GREB1L: variants seen among roughly 807,000 people sequenced by gnomAD.
The protein encoded by GREB1L is GREB1-like protein.
In GREB1L, 17 loss-of-function variants were observed where a neutral mutation model predicts 200.8. The ratio of observed to expected loss-of-function variants is 0.08; its 90% CI spans 0.06 to 0.13. The LOEUF is 0.13. Ranked by LOEUF, GREB1L falls within the 10% of genes least tolerant of loss-of-function variation. The pLI is 1.00. For missense variants in GREB1L, 1,657 were observed against 2,367.7 expected (o/e 0.70, Z 6.23); for synonymous variants, 789 against 893.0 (o/e 0.88, Z 2.08).
At chr18:21,303,586 C>G (rs1218061335) in intron 1 of GREB1L, among the ~76,000 whole-genome samples, 1 of 152,194 alleles carries the variant, frequency 6.6e-6, no homozygotes, top group Non-Finnish European at 1.5e-5. Flanking sequence ...ACCCTGTAGG[C>G]TGTTACTTTG....
At chr18:21,522,171 C>CTTT (rs2037614741) in intron 32 of GREB1L, among the ~76,000 whole-genome samples, 1 of 151,516 alleles carries the variant, frequency 6.6e-6, no homozygotes, top group Non-Finnish European at 1.5e-5. Flanking sequence ...ACTTTATACT[C>CTTT]TTAAAAATTA....
intron 1 of GREB1L, among the ~76,000 whole-genome samples, chr18:21,278,565 A>G (rs2038215418): frequency 6.6e-6 from 1 of 152,022 alleles, no homozygotes; most frequent in African/African-American, 2.4e-5. Context: ...CTCAGTGTAA[A>G]GTGTTCTGGG....
At chr18:21,520,030 G>A (rs963425487) in intron 31 of GREB1L, among the ~76,000 whole-genome samples, 7 of 151,758 alleles carry the variant, frequency 4.6e-5, no homozygotes, top group Non-Finnish European at 1.0e-4. Flanking sequence ...TCCACCTCCA[G>A]GGTTCAAGCG....
At chr18:21,442,529 C>A (rs755310546) in intron 10 of GREB1L, among the ~76,000 whole-genome samples, 1 of 152,062 alleles carries the variant, frequency 6.6e-6, no homozygotes, top group Admixed American at 6.5e-5. Context: ...ATGCATAGAA[C>A]GTGGGACCCT....
intron 1 of GREB1L, among the ~76,000 whole-genome samples, chr18:21,259,206 T>G (rs776561063): frequency 6.6e-6 from 1 of 152,226 alleles, no homozygotes; most frequent in Non-Finnish European, 1.5e-5. Context: ...GGATTTGAAG[T>G]AATAATTGGC....
At chr18:21,413,764 A>T (rs1232384989) in intron 7 of GREB1L, among the ~76,000 whole-genome samples, 1 of 152,206 alleles carries the variant, frequency 6.6e-6, no homozygotes, top group Admixed American at 6.5e-5. Flanking sequence ...CGGGTCATGC[A>T]TGTGCTTGTG....
intron 13 of GREB1L, 73 bp downstream of exon 13, chr18:21,451,224 G>A (rs1297234421): frequency 6.8e-7 from 1 of 1,464,820 alleles, no homozygotes; most frequent in South Asian, 1.3e-5. Flanking sequence ...ATCTTAGCCT[G>A]TCAAGATGAG....
intron 1 of GREB1L, among the ~76,000 whole-genome samples, chr18:21,262,726 C>G (rs1240505498): frequency 2.0e-5 from 3 of 152,062 alleles, no homozygotes; most frequent in Non-Finnish European, 2.9e-5. Flanking sequence ...CCTAGAAGTT[C>G]TTAGCAAGGC....
chr18:21,516,776 C>T (rs1232113841), intron 30 of GREB1L, 22 bp downstream of exon 30: 1 of 1,542,538 alleles, frequency 6.5e-7, no homozygotes, highest in African/African-American at 1.4e-5. Flanking sequence ...AAGCTTGATT[C>T]AAGTGCTGAA....
At position 21,257,004 on chromosome 18, in the gene GREB1L, CAAAAAAAAA is replaced by C. The variant is rs747739158; in HGVS notation, c.-120+14624_-120+14632del. 5.7e-3 allele frequency among the ~76,000 whole-genome samples: 357 copies of C among 62,124 alleles called. 2 individuals are homozygous for C. Among genetic ancestry groups the C allele is most frequent in the African/African-American group, 0.02 (340 of 17,244 alleles). 40.8% of individuals were successfully genotyped at this position (62,124 alleles called of 152,430 possible). A position where few individuals can be genotyped will look rare whatever the true frequency, so the allele number is the denominator to read the frequency against. ...TGGGTGACAGAGTGAGACTCCGTCT[CAAAAAAAAA>C]AAAAAAAAAAAAGACTCTCAGGAAA... On this transcript the variant is annotated intron_variant, in intron 1 of 32. Transcript: ENST00000424526.
At chr18:21,459,858 G>C (rs1254018288) in intron 15 of GREB1L, among the ~76,000 whole-genome samples, 1 of 152,132 alleles carries the variant, frequency 6.6e-6, no homozygotes, top group African/African-American at 2.4e-5. Flanking sequence ...AGATTGCTTT[G>C]TGCAAGCATA....
At chr18:21,405,502 A>T (rs542880841) in intron 7 of GREB1L, among the ~76,000 whole-genome samples, 2 of 152,296 alleles carry the variant, frequency 1.3e-5, no homozygotes, top group African/African-American at 2.4e-5. Flanking sequence ...GTCTGCAATG[A>T]TTTAAAAAAC....
chr18:21,411,382 A>G (rs1337951606), intron 7 of GREB1L, among the ~76,000 whole-genome samples: 1 of 151,850 alleles, frequency 6.6e-6, no homozygotes, highest in African/African-American at 2.4e-5. Flanking sequence ...AATTTTTTGT[A>G]TTTTTAGTAG....
At chr18:21,266,183 A>G (rs2037964838) in intron 1 of GREB1L, among the ~76,000 whole-genome samples, 1 of 152,196 alleles carries the variant, frequency 6.6e-6, no homozygotes, top group African/African-American at 2.4e-5. Context: ...TGTCCGGAAG[A>G]TAGTCAAGAG....
intron 1 of GREB1L, among the ~76,000 whole-genome samples, chr18:21,274,346 C>G (rs2144327210): frequency 6.6e-6 from 1 of 152,248 alleles, no homozygotes; most frequent in Non-Finnish European, 1.5e-5. Flanking sequence ...TTTGGAGTGA[C>G]ACAAACATTC....
intron 1 of GREB1L, among the ~76,000 whole-genome samples, chr18:21,245,978 T>C (rs12326167): frequency 0.12 from 18,107 of 152,240 alleles, 2,132 homozygotes; most frequent in African/African-American, 0.29. Context: ...CGCCTCAGCC[T>C]CCCAAAGTGC....
intron 1 of GREB1L, among the ~76,000 whole-genome samples, chr18:21,362,643 G>A (rs2039597068): frequency 6.6e-6 from 1 of 152,140 alleles, no homozygotes; most frequent in African/African-American, 2.4e-5. Flanking sequence ...CTAAAAACGG[G>A]TTGTTAATCT....
intron 1 of GREB1L, among the ~76,000 whole-genome samples, chr18:21,250,474 G>T (rs2037685176): frequency 6.6e-6 from 1 of 152,192 alleles, no homozygotes. Flanking sequence ...TGCATTTTAA[G>T]TGTCTTCCCA....
intron 27 of GREB1L, among the ~76,000 whole-genome samples, chr18:21,510,078 G>A (rs1023769524): frequency 1.3e-5 from 2 of 151,864 alleles, no homozygotes; most frequent in African/African-American, 4.8e-5. Flanking sequence ...GCTGGGTGTG[G>A]TGGTGTGCGC....
Sources: gnomAD v4.1 joint callset for allele counts (sites outside exome capture counted in the v4.1 genomes callset) on GRCh38, gnomAD v4.1.1 for gene constraint, MANE v1.5 for transcripts, NCBI Gene and HGNC (gene_info 2026-07-23, HGNC 2026-07-21) for gene names.